KPNA7: variants seen among roughly 807,000 people sequenced by gnomAD.
KPNA7 encodes the protein karyopherin subunit alpha 7, also known as importin subunit alpha-8.
Under a neutral mutation model 53.7 loss-of-function variants are expected in KPNA7, and 54 were observed. The ratio of observed to expected loss-of-function variants is 1.01; its 90% CI spans 0.81 to 1.26. KPNA7 has a LOEUF of 1.26. Among genes scored for constraint, KPNA7 ranks in the 50% most tolerant of loss-of-function variants. The pLI, the probability that KPNA7 is intolerant of heterozygous loss-of-function variation, is 0.00. For missense variants in KPNA7, 640 were observed against 644.5 expected (o/e 0.99, Z 0.07); for synonymous variants, 276 against 259.3 (o/e 1.06, Z -0.62).
intron 2 of KPNA7, among the ~76,000 whole-genome samples, chr7:99,205,301 C>CCTGTAGTCCCAGCTA (rs201430545): frequency 0.08 from 11,941 of 150,156 alleles, 499 homozygotes; most frequent in South Asian, 0.15. Context: ...GTGGTACACA[C>CCTGTAGTCCCAGCTA]CATGGTAGGC....
the KPNA7 span, among the ~76,000 whole-genome samples, chr7:99,166,564 C>T: frequency 6.6e-6 from 1 of 152,016 alleles, no homozygotes; most frequent in Non-Finnish European, 1.5e-5. Context: ...ATCCACCTGC[C>T]TCAGGCTCCC....
chr7:99,196,624 C>CA (rs1790243481), intron 3 of KPNA7, among the ~76,000 whole-genome samples: 1 of 152,156 alleles, frequency 6.6e-6, no homozygotes, highest in Non-Finnish European at 1.5e-5. Flanking sequence ...CAGTAAGTAG[C>CA]ATGAGAGCTT....
At chr7:99,159,902 G>T in the KPNA7 span, among the ~76,000 whole-genome samples, 1 of 151,358 alleles carries the variant, frequency 6.6e-6, no homozygotes. Context: ...CAATTTTTTA[G>T]TTGGAATTTA....
Position 99,196,079 on chromosome 7 carries a change from G to C in KPNA7, c.284+5C>G. Reference sequence around the variant, plus strand: ...CTGCAACAGCAGAAGTCTGTTTGGAGATACCTGGCTGTCTGGGTGGCCTGG... The same window carrying C: ...CTGCAACAGCAGAAGTCTGTTTGGACATACCTGGCTGTCTGGGTGGCCTGG... On this transcript the variant is annotated splice_donor_5th_base_variant and intron_variant, in intron 4 of 10. Coordinates refer to ENST00000327442, the MANE Select transcript of KPNA7 (RefSeq NM_001145715.3). The C allele has an allele frequency of 1.3e-6, 2 of 1,550,508 alleles. No individual in the cohort carries two copies. The highest frequency in any genetic ancestry group is 1.7e-6 in the Non-Finnish European group (2 of 1,145,890).
At chr7:99,151,225 C>G in the KPNA7 span, among the ~76,000 whole-genome samples, 1 of 152,082 alleles carries the variant, frequency 6.6e-6, no homozygotes, top group Non-Finnish European at 1.5e-5. Flanking sequence ...GTCTGTGTGT[C>G]TGTCTGTTTA....
At chr7:99,208,744 CTG>C (rs1563091244), upstream of KPNA7, among the ~76,000 whole-genome samples, 1 of 152,222 alleles carries the variant, frequency 6.6e-6, no homozygotes, top group African/African-American at 2.4e-5. Context: ...GCTGTGAACA[CTG>C]TGGGAGCACC....
intron 3 of KPNA7, among the ~76,000 whole-genome samples, chr7:99,200,645 A>C (rs1176708189): frequency 6.6e-6 from 1 of 151,702 alleles, no homozygotes; most frequent in Admixed American, 6.6e-5. Context: ...TCATCATAAC[A>C]ACCAAAAAGT....
intron 9 of KPNA7, among the ~76,000 whole-genome samples, chr7:99,180,501 C>G (rs568783509): frequency 9.6e-6 from 1 of 104,118 alleles, no homozygotes; most frequent in African/African-American, 2.6e-5. Context: ...CTATCTCTGT[C>G]TGTCTCTCTC....
chr7:99,195,460 G>T lies in KPNA7; in HGVS notation c.285-122C>A. The T allele has an allele frequency of 6.6e-6, 6 of 903,358 alleles. No individual in the cohort carries two copies. The South Asian group carries it at 6.8e-5, about 10-fold the overall frequency. The allele number at this position is 903,358 out of a possible 1,614,324, so 56.0% of individuals were successfully genotyped here. A position where few individuals can be genotyped will look rare whatever the true frequency, so the allele number is the denominator to read the frequency against. The stretch of plus-strand genomic sequence containing the variant: ...TCTCAGCACTTTGGGAGACCAAGGC[G>T]GGCAGATCACTTGAGGTCGCAAGGT... On this transcript the variant is annotated intron_variant, in intron 4 of 10. Transcript: ENST00000327442.
chr7:99,210,837 C>G (rs1791049651), upstream of KPNA7, among the ~76,000 whole-genome samples: 1 of 151,996 alleles, frequency 6.6e-6, no homozygotes, highest in Non-Finnish European at 1.5e-5. Context: ...TCCTCCCCCT[C>G]AGCCTCCCAA....
upstream of KPNA7, among the ~76,000 whole-genome samples, chr7:99,209,933 G>A (rs1267657585): frequency 6.6e-6 from 1 of 151,812 alleles, no homozygotes; most frequent in East Asian, 1.9e-4. Context: ...TGGAGCCCAG[G>A]AAGTCAAGGC....
At chr7:99,213,883 A>G (rs1350045618) in intron 1 of KPNA7, among the ~76,000 whole-genome samples, 3 of 152,116 alleles carry the variant, frequency 2.0e-5, no homozygotes, top group African/African-American at 7.2e-5. Context: ...CACTGGAATT[A>G]TGCACATGAG....
the KPNA7 span, among the ~76,000 whole-genome samples, chr7:99,165,533 C>T: frequency 2.0e-5 from 3 of 152,252 alleles, no homozygotes; most frequent in East Asian, 5.8e-4. Context: ...CCAATGTCCA[C>T]TAAATCATAG....
chr7:99,187,370 G>A (rs1313662188), intron 7 of KPNA7, among the ~76,000 whole-genome samples: 1 of 151,710 alleles, frequency 6.6e-6, no homozygotes, highest in Non-Finnish European at 1.5e-5. Flanking sequence ...TAGTCTAAGA[G>A]AACAAACTGG....
intron 10 of KPNA7, among the ~76,000 whole-genome samples, chr7:99,176,590 T>C (rs1402382943): frequency 1.3e-5 from 2 of 152,228 alleles, no homozygotes; most frequent in East Asian, 1.9e-4. Context: ...CTCCAAAGAA[T>C]TGGGCCAGGT....
chr7:99,148,772 T>G, the KPNA7 span, among the ~76,000 whole-genome samples: 101 of 152,114 alleles, frequency 6.6e-4, no homozygotes, highest in African/African-American at 2.0e-3. Flanking sequence ...AATTTTTTTA[T>G]TTTTTATACA....
intron 3 of KPNA7, among the ~76,000 whole-genome samples, chr7:99,199,532 T>C (rs1053045094): frequency 2.0e-5 from 3 of 152,192 alleles, no homozygotes; most frequent in Non-Finnish European, 4.4e-5. Flanking sequence ...GGTACAACTA[T>C]GTATCACATG....
In KPNA7 at chr7:99,177,907, C is replaced by T. The variant is rs1195814758; in HGVS notation, c.1464+13G>A. On this transcript the variant is annotated intron_variant, in intron 10 of 10. Coordinates refer to ENST00000327442, the MANE Select transcript of KPNA7 (RefSeq NM_001145715.3). ...GACCCCTGGATACTCCTCCACGCTCCTAAGTCACTTACCTCACCAAAGTGC... is the reference window on the plus strand; with the variant it reads ...GACCCCTGGATACTCCTCCACGCTCTTAAGTCACTTACCTCACCAAAGTGC... 2.7e-5 allele frequency: 42 copies of T among 1,551,708 alleles called. No homozygotes were observed. In the Admixed American group the frequency reaches 8.2e-4, roughly 30 times the overall value.
At chr7:99,180,682 TCC>T (rs1190218353) in intron 9 of KPNA7, among the ~76,000 whole-genome samples, 2 of 145,926 alleles carry the variant, frequency 1.4e-5, no homozygotes, top group Non-Finnish European at 3.0e-5. Context: ...TGTGTCTCTC[TCC>T]CCGTCTGTGT....
Sources: gnomAD v4.1 joint callset for allele counts (sites outside exome capture counted in the v4.1 genomes callset) on GRCh38, gnomAD v4.1.1 for gene constraint, MANE v1.5 for transcripts, NCBI Gene and HGNC (gene_info 2026-07-23, HGNC 2026-07-21) for gene names.